PBRM1: variants seen among roughly 807,000 people sequenced by gnomAD.
PBRM1 encodes polybromo 1, also known as protein polybromo-1.
PBRM1 carries 27 observed loss-of-function variants against 194.5 expected under a neutral mutation model. The ratio of observed to expected loss-of-function variants is 0.14; its 90% CI spans 0.10 to 0.19. PBRM1 has a LOEUF of 0.19. PBRM1 is among the 10% of genes least tolerant of loss of function. PBRM1 has a pLI of 1.00. For missense variants in PBRM1, 1,466 were observed against 2,077.2 expected, an observed-to-expected ratio of 0.71 and a Z score of 5.72; for synonymous variants, 655 against 693.2, an observed-to-expected ratio of 0.94 and a Z score of 0.87.
At chr3:52,547,737 C>CA (rs1575417801), downstream of PBRM1, 3 of 242,620 alleles carry the variant, frequency 1.2e-5, no homozygotes, top group East Asian at 1.8e-4. Flanking sequence ...CAAGCCAAGA[C>CA]AAAAACCTCT....
chr3:52,606,347 T>C (rs1249200159), intron 16 of PBRM1, among the ~76,000 whole-genome samples: 1 of 152,210 alleles, frequency 6.6e-6, no homozygotes, highest in Non-Finnish European at 1.5e-5. Flanking sequence ...TGAATGAAGA[T>C]ATTTGAATTC....
chr3:52,656,891 C>T (rs1212803157), intron 5 of PBRM1, among the ~76,000 whole-genome samples: 2 of 151,478 alleles, frequency 1.3e-5, no homozygotes, highest in Non-Finnish European at 2.9e-5. Context: ...CAGCAAGACT[C>T]TATCTCTAAA....
exon 11 of PBRM1, chr3:52,634,656 T>A: frequency 6.2e-7 from 1 of 1,613,708 alleles, no homozygotes; most frequent in Non-Finnish European, 8.5e-7. Flanking sequence ...ATCAGGGTAT[T>A]TTTTCTTTGA....
At chr3:52,550,724 G>A (rs752454344) in intron 28 of PBRM1, 23 bp downstream of exon 30, 1 of 1,603,014 alleles carries the variant, frequency 6.2e-7, no homozygotes, top group South Asian at 1.1e-5. Context: ...TCAAGTCCTA[G>A]AAAATCAAAC....
Position 52,609,945 on chromosome 3 carries a change from A to T in PBRM1, c.1935T>A (p.Ser645Arg). 1 of 1,500,902 alleles carries T rather than the reference A, an allele frequency of 6.7e-7. No homozygotes were observed. Among genetic ancestry groups the T allele is most frequent in the Non-Finnish European group, 8.9e-7 (1 of 1,120,402 alleles). 93.0% of individuals were successfully genotyped at this position (1,500,902 alleles called of 1,614,324 possible). ...ATTTTGATTTTTTAGGAGAAATGCCACTCTTCCTACCTAAAGAGAGATATT... is the reference window on the plus strand; with the variant it reads ...ATTTTGATTTTTTAGGAGAAATGCCTCTCTTCCTACCTAAAGAGAGATATT... The change falls in exon 16 of 30, where the codon AGT becomes AGA. Residue 645 changes from serine (S) to arginine (R), a missense_variant. By Grantham distance (110) the Ser-to-Arg change is moderately radical (BLOSUM62 -1). Around this residue, in one of 5 missense-constraint regions of PBRM1, gnomAD observed 687 missense variants for 946.2 expected, o/e 0.73. Coordinates refer to ENST00000296302, the Ensembl canonical transcript of PBRM1. This position sits in a 1 kb window ranked among gnomAD's most constrained non-coding sequence, Gnocchi z 4.1.
chr3:52,570,256 C>G (rs972266659), intron 22 of PBRM1, among the ~76,000 whole-genome samples: 1 of 152,328 alleles, frequency 6.6e-6, no homozygotes, highest in African/African-American at 2.4e-5. Context: ...GAATTACAGG[C>G]ATGAGCCATC....
At chr3:52,677,576 C>T (rs188074306) in intron 2 of PBRM1, among the ~76,000 whole-genome samples, 2,081 of 152,266 alleles carry the variant, frequency 0.014, 17 homozygotes, top group South Asian at 0.036. Context: ...CCAAGCCTGG[C>T]TAATTTTTGT....
intron 17 of PBRM1, among the ~76,000 whole-genome samples, chr3:52,592,250 G>A (rs1230982335): frequency 6.6e-6 from 1 of 151,512 alleles, no homozygotes; most frequent in Non-Finnish European, 1.5e-5. Context: ...TCCTGCCTCG[G>A]CCTCTCGAAT....
Position 52,564,031 on chromosome 3 carries a change from TAAG to T in PBRM1, c.3875+16_3875+18del. On this transcript the variant is annotated intron_variant, in intron 23 of 29. Coordinates refer to ENST00000296302, the Ensembl canonical transcript of PBRM1. ...GTTAATGGAAGTGCTCTTTTTTCCT[TAAG>T]TTTTTCAAGCTTTACCTGAAGTAGT... is the stretch of plus-strand genomic sequence containing the variant. 6.3e-7 allele frequency: 1 copy of T among 1,578,338 alleles called. No individual in the cohort carries two copies. The highest frequency in any genetic ancestry group is 8.6e-7 in the Non-Finnish European group (1 of 1,156,136).
At chr3:52,623,294 G>A (rs761183508) in intron 13 of PBRM1, among the ~76,000 whole-genome samples, 27 of 152,060 alleles carry the variant, frequency 1.8e-4, no homozygotes, top group Non-Finnish European at 3.8e-4. Context: ...GCAAGACCCT[G>A]TTTCCTAAAA....
intron 17 of PBRM1, among the ~76,000 whole-genome samples, chr3:52,594,459 T>C (rs1272749087): frequency 6.6e-6 from 1 of 152,242 alleles, no homozygotes; most frequent in Non-Finnish European, 1.5e-5. Flanking sequence ...TTTGAGCTTA[T>C]GGGTGTCATT....
intron 16 of PBRM1, among the ~76,000 whole-genome samples, chr3:52,608,374 A>G (rs113429291): frequency 4.6e-5 from 7 of 152,350 alleles, no homozygotes; most frequent in South Asian, 2.1e-4. Context: ...AATGGCTATC[A>G]TAAGGGTTAG....
chr3:52,611,018 C>T (rs2094578747), intron 15 of PBRM1, among the ~76,000 whole-genome samples: 1 of 152,182 alleles, frequency 6.6e-6, no homozygotes. Context: ...TCAATTACAA[C>T]TCAGCCATAT....
intron 29 of PBRM1, among the ~76,000 whole-genome samples, chr3:52,549,370 T>C (rs941637293): frequency 6.6e-6 from 1 of 152,130 alleles, no homozygotes; most frequent in Non-Finnish European, 1.5e-5. Context: ...TTTGCCATGT[T>C]GTCCAGGCTG....
At chr3:52,582,327 C>T (rs935010023) in intron 20 of PBRM1, among the ~76,000 whole-genome samples, 2 of 150,572 alleles carry the variant, frequency 1.3e-5, no homozygotes, top group Admixed American at 6.6e-5. Context: ...GACCAAGTAA[C>T]TCATATACAG....
chr3:52,630,922 A>T (rs1331179608), intron 11 of PBRM1, among the ~76,000 whole-genome samples: 1 of 152,240 alleles, frequency 6.6e-6, no homozygotes, highest in South Asian at 2.1e-4. Context: ...TAATTTAAAA[A>T]TAATAATGAA....
intron 22 of PBRM1, among the ~76,000 whole-genome samples, chr3:52,574,958 TG>T (rs1559990554): frequency 6.6e-6 from 1 of 152,156 alleles, no homozygotes; most frequent in Non-Finnish European, 1.5e-5. Context: ...TGGAGTGCAG[TG>T]GCATGATCAT....
upstream of PBRM1, among the ~76,000 whole-genome samples, chr3:52,683,922 G>A (rs2097261271): frequency 8.6e-6 from 1 of 116,236 alleles, no homozygotes; most frequent in Non-Finnish European, 1.8e-5. Flanking sequence ...TGTAGTCCCA[G>A]CACTTGGAGA....
At chr3:52,643,040 A>G (rs536277152) in intron 9 of PBRM1, among the ~76,000 whole-genome samples, 4 of 152,276 alleles carry the variant, frequency 2.6e-5, no homozygotes, top group East Asian at 1.9e-4. Context: ...CACCCGTATC[A>G]GCCTCCCAAA....
Sources: allele counts gnomAD v4.1 joint callset (sites outside exome capture counted in the v4.1 genomes callset), GRCh38; gene constraint gnomAD v4.1.1; regional missense constraint gnomAD v4.1.1; non-coding constraint Gnocchi (gnomAD v3.1); transcripts MANE v1.5; gene names NCBI Gene and HGNC (gene_info 2026-07-23, HGNC 2026-07-21).